SKIDA1: variants seen among roughly 807,000 people sequenced by gnomAD.
SKIDA1 encodes SKI/DACH domain-containing protein 1.
Under a neutral mutation model 51.4 loss-of-function variants are expected in SKIDA1, and 18 were observed. The observed-to-expected ratio is 0.35, with a 90% CI of 0.24 to 0.52. The LOEUF (loss-of-function observed/expected upper bound fraction) is 0.52. SKIDA1 is among the 20% of genes least tolerant of loss of function. SKIDA1 has a pLI of 0.95. For missense variants in SKIDA1, 1,104 were observed against 1,180.6 expected, an observed-to-expected ratio of 0.94 and a Z score of 0.95; for synonymous variants, 579 against 500.5, an observed-to-expected ratio of 1.16 and a Z score of -2.09.
At chr10:21,522,400 T>A (rs963159392) in intron 2 of SKIDA1, among the ~76,000 whole-genome samples, 5 of 150,980 alleles carry the variant, frequency 3.3e-5, no homozygotes, top group African/African-American at 1.2e-4. Context: ...GCCTCAACAA[T>A]GTAAGTATGC....
rs1463318230 is a variant in SKIDA1 at position 21,517,358 on chromosome 10, G to A, written c.465C>T (p.Ser155=). Residue 155 remains serine (S), a synonymous_variant, in exon 4 of 4, where the codon TCC becomes TCT. Transcript: ENST00000449193. The surrounding 1 kb of genome is among the most constrained non-coding windows in gnomAD (Gnocchi z 6.9). ...GCGCGGCGGCGGCGCCCGGGCGCTG[G>A]GACTGCGCGCTGATTGGCAGGGGCC... ...AARPLPISAQ[S]QRPGAAAARP... 2.1e-6 allele frequency: 3 copies of A among 1,414,448 alleles called. No individual in the cohort carries two copies. Among genetic ancestry groups the A allele is most frequent in the Non-Finnish European group, 2.8e-6 (3 of 1,085,320 alleles). 87.6% of individuals were successfully genotyped at this position (1,414,448 alleles called of 1,614,324 possible).
rs747828596 is a variant in SKIDA1, at chr10:21,515,211, T to A, written c.2612A>T (p.Asn871Ile). 1.2e-6 allele frequency: 2 copies of A among 1,613,796 alleles called. No individual in the cohort carries two copies. The highest frequency in any genetic ancestry group is 2.7e-5 in the African/African-American group (2 of 74,910). Reference sequence around the variant, plus strand: ...AGGAGTTTGAGAATCCTTAGTGGTGTTTAAGGAATACGCCGGCCACAAATC... The same window carrying A: ...AGGAGTTTGAGAATCCTTAGTGGTGATTAAGGAATACGCCGGCCACAAATC... Reference protein sequence around the residue: ...DGDLWPAYSLNTTKDSQTPHK... With the variant: ...DGDLWPAYSLITTKDSQTPHK... The change falls in exon 4 of 4, where the codon AAC (asparagine) becomes ATC (isoleucine). Residue 871 changes from asparagine to isoleucine, a missense_variant. Transcript: ENST00000449193.
rs1220830020 is a variant in SKIDA1, at chr10:21,515,622, G to A, written c.2201C>T (p.Ala734Val). Reference protein sequence around the residue: ...SKEEDALLTTAKEGFACPEKE... With the variant: ...SKEEDALLTTVKEGFACPEKE... Reference sequence around the variant, plus strand: ...TTCAGGGCATGCAAAACCTTCCTTGGCTGTGGTTAACAAGGCGTCCTCCTC... The same window carrying A: ...TTCAGGGCATGCAAAACCTTCCTTGACTGTGGTTAACAAGGCGTCCTCCTC... The change falls in exon 4 of 4, where the codon GCC (alanine) becomes GTC (valine). Residue 734 changes from alanine (A) to valine (V), a missense_variant. Ala to Val is a moderately conservative substitution (Grantham distance 64). Around this residue, in one of 3 missense-constraint regions of SKIDA1, gnomAD observed 938 missense variants for 886.4 expected, o/e 1.06. Transcript: ENST00000449193. 3.7e-6 allele frequency: 6 copies of A among 1,613,892 alleles called. No homozygotes were observed. In the African/African-American group the frequency reaches 4.0e-5, roughly 11 times the overall value.
chr10:21,517,115 GGCGGCA>G lies in SKIDA1; in HGVS notation c.702_707del (p.Ala243_Ala244del). The G allele has an allele frequency of 9.6e-7, 1 of 1,044,494 alleles. No individual in the cohort carries two copies. The allele number at this position is 1,044,494 out of a possible 1,614,324, so 64.7% of individuals were successfully genotyped here. A position where few individuals can be genotyped will look rare whatever the true frequency, so the allele number is the denominator to read the frequency against. ...AGGCGGCGGCGGCGGCGGCGGCGGCGGCGGCAGCAGCGGCGGCGGCGGCGGCGGCGG... is the reference window on the plus strand; with the variant it reads ...AGGCGGCGGCGGCGGCGGCGGCGGCGGCAGCGGCGGCGGCGGCGGCGGCGG... On this transcript the variant is annotated inframe_deletion, in exon 4 of 4. Transcript: ENST00000449193. The surrounding 1 kb of genome is among the most constrained non-coding windows in gnomAD (Gnocchi z 6.9).
In SKIDA1 at chr10:21,516,595, A is replaced by G; in HGVS notation, c.1228T>C (p.Ser410Pro). Residue 410 changes from serine to proline, a missense_variant, in exon 4 of 4, where the codon TCC becomes CCC. Transcript: ENST00000449193. This position sits in a 1 kb window ranked among gnomAD's most constrained non-coding sequence, Gnocchi z 5.7. Reference protein sequence around the residue: ...SSLSSSSNSVSSEEEEEEGEE... With the variant: ...SSLSSSSNSVPSEEEEEEGEE... ...CCCTCCTCCTCCTCTTCCTCTGAGG[A>G]CACAGAATTGCTGGAGCTGGACAAA... The G allele has an allele frequency of 1.3e-6, 2 of 1,551,128 alleles. No homozygotes were observed. The highest frequency in any genetic ancestry group is 1.7e-6 in the Non-Finnish European group (2 of 1,147,022).
chr10:21,517,800 A>T lies in SKIDA1; in HGVS notation c.23T>A (p.Phe8Tyr). MGDLKSG[F>Y]EEVDGVRLGY... The stretch of plus-strand genomic sequence containing the variant: ...GAGCCTCACGCCATCCACCTCTTCA[A>T]AACCTGACTTCAGGTCTCCCATCTC... Residue 8 changes from phenylalanine to tyrosine, a missense_variant, in exon 4 of 4, where the codon TTT becomes TAT. Coordinates refer to ENST00000449193, the MANE Select transcript of SKIDA1 (RefSeq NM_207371.4). This position sits in a 1 kb window ranked among gnomAD's most constrained non-coding sequence, Gnocchi z 6.9. 6.2e-7 allele frequency: 1 copy of T among 1,609,404 alleles called. No homozygotes were observed. The highest frequency in any genetic ancestry group is 8.5e-7 in the Non-Finnish European group (1 of 1,176,238).
chr10:21,518,089 A>C lies in SKIDA1; in HGVS notation c.-267T>G, dbSNP rs1296045778. ...CGTTTTTTTAAAAAAGAGGGAAAAA[A>C]CCATCCGGTTTCTGATCTGCCAGTG... On this transcript the variant is annotated 5_prime_UTR_variant, in exon 4 of 4. Coordinates refer to ENST00000449193, the MANE Select transcript of SKIDA1 (RefSeq NM_207371.4). The C allele has an allele frequency of 2.4e-6, 1 of 411,236 alleles. No individual in the cohort carries two copies. The highest frequency in any genetic ancestry group is 4.3e-5 in the East Asian group (1 of 23,408). 25.5% of individuals were successfully genotyped at this position (411,236 alleles called of 1,614,324 possible). A position where few individuals can be genotyped will look rare whatever the true frequency, so the allele number is the denominator to read the frequency against.
chr10:21,517,655 C>T lies in SKIDA1; in HGVS notation c.168G>A (p.Lys56=), dbSNP rs1008991077. 3.1e-6 allele frequency: 5 copies of T among 1,613,994 alleles called. No individual in the cohort carries two copies. The South Asian group carries it at 5.5e-5, about 18-fold the overall frequency. Residue 56 remains lysine (K), a synonymous_variant, in exon 4 of 4, where the codon AAG becomes AAA. Transcript: ENST00000449193. The surrounding 1 kb of genome is among the most constrained non-coding windows in gnomAD (Gnocchi z 6.9). Reference sequence around the variant, plus strand: ...GCAACTCCTCCAGATCGCAGTGGTGCTTCTTCACTTTCAGATGATCCATGC... The same window carrying T: ...GCAACTCCTCCAGATCGCAGTGGTGTTTCTTCACTTTCAGATGATCCATGC... The part of the protein sequence containing the change: ...HKRMDHLKVK[K]HHCDLEELRK...
chr10:21,516,679 C>T lies in SKIDA1; in HGVS notation c.1144G>A (p.Asp382Asn). The change falls in exon 4 of 4, where the codon GAC becomes AAC. Residue 382 changes from aspartate (D) to asparagine (N), a missense_variant. Physicochemically the swap from Asp to Asn is conservative, Grantham distance 23. Around this residue, in one of 3 missense-constraint regions of SKIDA1, gnomAD observed 938 missense variants for 886.4 expected, o/e 1.06. Coordinates refer to ENST00000449193, the MANE Select transcript of SKIDA1 (RefSeq NM_207371.4). The surrounding 1 kb of genome is among the most constrained non-coding windows in gnomAD (Gnocchi z 5.7). ...LGSFPESCSS[D>N]SESSSYSDHA... ...TCCGAGTAGGAGCTGGACTCGGAGT[C>T]GCTGCTGCAGCTCTCGGGAAAGCTG... The T allele has an allele frequency of 6.4e-7, 1 of 1,551,546 alleles. No individual in the cohort carries two copies. The highest frequency in any genetic ancestry group is 8.7e-7 in the Non-Finnish European group (1 of 1,146,948).
At position 21,516,173 on chromosome 10, in the gene SKIDA1, T is replaced by A. The variant is rs1166972964; in HGVS notation, c.1650A>T (p.Val550=). 1 of 1,614,068 alleles carries A rather than the reference T, an allele frequency of 6.2e-7. No homozygotes were observed. Among genetic ancestry groups the A allele is most frequent in the Non-Finnish European group, 8.5e-7 (1 of 1,179,906 alleles). The change falls in exon 4 of 4, where the codon GTA becomes GTT. Residue 550 remains valine (V), a synonymous_variant. Coordinates refer to ENST00000449193, the MANE Select transcript of SKIDA1 (RefSeq NM_207371.4). This position sits in a 1 kb window ranked among gnomAD's most constrained non-coding sequence, Gnocchi z 5.7. The part of the protein sequence containing the change: ...SCFAEIRNDR[V]SEITFPHSEI... Reference sequence around the variant, plus strand: ...CAGAGTGTGGGAATGTAATCTCAGATACCCTATCGTTCCTTATCTCAGCGA... The same window carrying A: ...CAGAGTGTGGGAATGTAATCTCAGAAACCCTATCGTTCCTTATCTCAGCGA...
chr10:21,516,869 CGCGGCGGCCGCCGCCGCCGCT>C lies in SKIDA1; in HGVS notation c.933_953del (p.Ala312_Ala318del). 7.7e-7 allele frequency: 1 copy of C among 1,303,610 alleles called. No homozygotes were observed. The highest frequency in any genetic ancestry group is 9.7e-7 in the Non-Finnish European group (1 of 1,031,468). The allele number at this position is 1,303,610 out of a possible 1,614,324, so 80.8% of individuals were successfully genotyped here. A position where few individuals can be genotyped will look rare whatever the true frequency, so the allele number is the denominator to read the frequency against. Reference sequence around the variant, plus strand: ...GAAACCTCTCCAGGCAAGTGGCCCCCGCGGCGGCCGCCGCCGCCGCTGCCGCCGCCGCCGCCGCCGCCGCCG... The same window carrying C: ...GAAACCTCTCCAGGCAAGTGGCCCCCGCCGCCGCCGCCGCCGCCGCCGCCG... On this transcript the variant is annotated inframe_deletion, in exon 4 of 4. Coordinates refer to ENST00000449193, the MANE Select transcript of SKIDA1 (RefSeq NM_207371.4). This position sits in a 1 kb window ranked among gnomAD's most constrained non-coding sequence, Gnocchi z 5.7.
At chr10:21,522,004 C>T (rs2032408806) in intron 2 of SKIDA1, among the ~76,000 whole-genome samples, 1 of 152,160 alleles carries the variant, frequency 6.6e-6, no homozygotes, top group African/African-American at 2.4e-5. Flanking sequence ...GCAATTCAGT[C>T]TGACCTCTTT....
rs931683761 is a variant in SKIDA1, at chr10:21,516,995, G to C, written c.828C>G (p.Gly276=). ...GCGCGAGCAGGCAGTCCTTGGCGCCGCCGCGCTTGCGCTTGCAGCGGTAGC... is the reference window on the plus strand; with the variant it reads ...GCGCGAGCAGGCAGTCCTTGGCGCCCCCGCGCTTGCGCTTGCAGCGGTAGC... ...SLSYRCKRKR[G]GAKDCLLAPH... is the part of the protein sequence containing the mutation. Residue 276 remains glycine, a synonymous_variant, in exon 4 of 4, where the codon GGC becomes GGG. Transcript: ENST00000449193. This position sits in a 1 kb window ranked among gnomAD's most constrained non-coding sequence, Gnocchi z 5.7. 12 of 1,136,350 alleles carry C rather than the reference G, an allele frequency of 1.1e-5. No individual in the cohort carries two copies. Among genetic ancestry groups the C allele is most frequent in the Non-Finnish European group, 1.3e-5 (12 of 926,262 alleles). The allele number at this position is 1,136,350 out of a possible 1,614,324, so 70.4% of individuals were successfully genotyped here.
In SKIDA1 at chr10:21,521,436, G is replaced by C. The variant is rs1264451305; in HGVS notation, c.-1884C>G. 3 of 152,590 alleles carry C rather than the reference G, an allele frequency of 2.0e-5. No individual in the cohort carries two copies. The highest frequency in any genetic ancestry group is 7.2e-5 in the African/African-American group (3 of 41,426). The allele number at this position is 152,590 out of a possible 1,614,324, so 9.5% of individuals were successfully genotyped here. The stretch of plus-strand genomic sequence containing the variant: ...ATGTATAAAGTACTATTCTTCAAAA[G>C]CCAGGGGGTTTCTTTGATAAATTTG... On this transcript the variant is annotated 5_prime_UTR_variant, in exon 3 of 4. Transcript: ENST00000449193.
At position 21,518,695 on chromosome 10, in the gene SKIDA1, C is replaced by T. The variant is rs1239409004; in HGVS notation, c.-873G>A. ...AAAGAGAGATACCCCACCCCCTTTT[C>T]CTTTTGGAAAATGGAGCTTAAGGGA... On this transcript the variant is annotated 5_prime_UTR_variant, in exon 4 of 4. Coordinates refer to ENST00000449193, the MANE Select transcript of SKIDA1 (RefSeq NM_207371.4). 6.0e-6 allele frequency: 1 copy of T among 166,964 alleles called. No homozygotes were observed. Among genetic ancestry groups the T allele is most frequent in the African/African-American group, 2.4e-5 (1 of 41,392 alleles). The allele number at this position is 166,964 out of a possible 1,614,324, so 10.3% of individuals were successfully genotyped here.
chr10:21,515,869 G>C lies in SKIDA1; in HGVS notation c.1954C>G (p.Gln652Glu). The C allele has an allele frequency of 6.2e-7, 1 of 1,614,048 alleles. No individual in the cohort carries two copies. The highest frequency in any genetic ancestry group is 8.5e-7 in the Non-Finnish European group (1 of 1,179,894). Residue 652 changes from glutamine to glutamate, a missense_variant, in exon 4 of 4, where the codon CAG becomes GAG. Transcript: ENST00000449193. ...GCAGCGTTCACTTCAGGATCAGTCT[G>C]CGAAGAGGGCAAATCCGTAGCAAAT... ...PEFATDLPSS[Q>E]TDPEVNAAGA...
chr10:21,514,919 G>GAAA lies in SKIDA1; in HGVS notation c.*174_*176dup, dbSNP rs879195975. 72 of 89,194 alleles carry GAAA rather than the reference G, an allele frequency of 8.1e-4. No individual in the cohort carries two copies. The highest frequency in any genetic ancestry group is 1.0e-3 in the Non-Finnish European group (67 of 65,948). 5.5% of individuals were successfully genotyped at this position (89,194 alleles called of 1,614,324 possible). A position where few individuals can be genotyped will look rare whatever the true frequency, so the allele number is the denominator to read the frequency against. On this transcript the variant is annotated 3_prime_UTR_variant, in exon 4 of 4. Transcript: ENST00000449193. ...CCCACCCCGCCCCCACCCTACTCCA[G>GAAA]AAAAAAAAAAAAAAACCCGCAACGG... is the stretch of plus-strand genomic sequence containing the variant.
intron 2 of SKIDA1, among the ~76,000 whole-genome samples, chr10:21,521,730 C>G (rs1379888879): frequency 6.6e-6 from 1 of 152,180 alleles, no homozygotes; most frequent in Non-Finnish European, 1.5e-5. Context: ...AATCTACACA[C>G]TATTGTAAAA....
At position 21,516,291 on chromosome 10, in the gene SKIDA1, C is replaced by T; in HGVS notation, c.1532G>A (p.Ser511Asn). 1 of 1,613,912 alleles carries T rather than the reference C, an allele frequency of 6.2e-7. No individual in the cohort carries two copies. The highest frequency in any genetic ancestry group is 2.2e-5 in the East Asian group (1 of 44,888). Residue 511 changes from serine (S) to asparagine (N), a missense_variant, in exon 4 of 4, where the codon AGT (serine) becomes AAT (asparagine). By Grantham distance (46) the Ser-to-Asn change is conservative. This residue lies in a region of SKIDA1 where 938 missense variants were observed against 886.4 expected (regional missense o/e 1.06). Transcript: ENST00000449193. This position sits in a 1 kb window ranked among gnomAD's most constrained non-coding sequence, Gnocchi z 5.7. ...CTCCGCCGGCGACTCCGCTTTGACA[C>T]TACTCTTGAGGTCGGGAAGTCTGCC... ...DAGRLPDLKS[S>N]VKAESPAEWN...
Sources: gnomAD v4.1 joint callset for allele counts (sites outside exome capture counted in the v4.1 genomes callset) on GRCh38, gnomAD v4.1.1 for gene constraint, gnomAD v4.1.1 regional missense constraint, Gnocchi (gnomAD v3.1) non-coding constraint, MANE v1.5 for transcripts, NCBI Gene and HGNC (gene_info 2026-07-23, HGNC 2026-07-21) for gene names.